SEMA4A: variants seen among roughly 807,000 people sequenced by gnomAD.
SEMA4A encodes semaphorin 4A.
In SEMA4A, 52 loss-of-function variants were observed where a neutral mutation model predicts 72.5. The observed-to-expected ratio is 0.72, with a 90% CI of 0.57 to 0.90. SEMA4A has a LOEUF of 0.90. Ranked by LOEUF, SEMA4A falls within the 40% of genes least tolerant of loss-of-function variation. The pLI is 0.00. For synonymous variants in SEMA4A, 369 were observed against 393.1 expected (o/e 0.94, Z 0.73); for missense variants, 926 against 959.7 (o/e 0.96, Z 0.46).
rs1323114299 is a variant in SEMA4A at position 156,171,779 on chromosome 1, A to AT, written c.1135-1045dup. ...TTTTAATTAATTAATTAATTAATTA[A>AT]TTAATTTATTTATTTTGTTTTTGAG... On this transcript the variant is annotated intron_variant, in intron 10 of 14. Coordinates refer to ENST00000368285, the MANE Select transcript of SEMA4A (RefSeq NM_022367.4). 5.3e-5 allele frequency among the ~76,000 whole-genome samples: 8 copies of AT among 150,538 alleles called. No individual in the cohort carries two copies. In the East Asian group the frequency reaches 5.8e-4, roughly 11 times the overall value.
In SEMA4A at chr1:156,163,224, C is replaced by T. The variant is rs190230359; in HGVS notation, c.1134+130C>T. 51 of 1,019,314 alleles carry T rather than the reference C, an allele frequency of 5.0e-5. No homozygotes were observed. In the Admixed American group the frequency reaches 8.1e-4, roughly 16 times the overall value. The allele number at this position is 1,019,314 out of a possible 1,614,324, so 63.1% of individuals were successfully genotyped here. ...ACCCCACCAATCTCGCCTGCTCAGA[C>T]GTACACCTGGTATAGCTGCCTATAT... On this transcript the variant is annotated intron_variant, in intron 10 of 14. Coordinates refer to ENST00000368285, the MANE Select transcript of SEMA4A (RefSeq NM_022367.4).
At position 156,173,138 on chromosome 1, in the gene SEMA4A, G is replaced by A. The variant is rs993538169; in HGVS notation, c.1315+132G>A. On this transcript the variant is annotated intron_variant, in intron 11 of 14. Transcript: ENST00000368285. Reference sequence around the variant, plus strand: ...TTACTGAGCACCTGCTATGTGCCTGGCATTCTGCTAGGTTCTGGAAATACA... The same window carrying A: ...TTACTGAGCACCTGCTATGTGCCTGACATTCTGCTAGGTTCTGGAAATACA... 28 of 945,864 alleles carry A rather than the reference G, an allele frequency of 3.0e-5. No individual in the cohort carries two copies. The African/African-American group carries it at 4.5e-4, about 15-fold the overall frequency. The allele number at this position is 945,864 out of a possible 1,614,324, so 58.6% of individuals were successfully genotyped here. A position where few individuals can be genotyped will look rare whatever the true frequency, so the allele number is the denominator to read the frequency against.
At chr1:156,169,698 G>T (rs1293286519) in intron 10 of SEMA4A, among the ~76,000 whole-genome samples, 1 of 150,802 alleles carries the variant, frequency 6.6e-6, no homozygotes, top group African/African-American at 2.4e-5. Flanking sequence ...GGGATTACAG[G>T]TGTGAGCCAC....
rs1655427331 is a variant in SEMA4A at position 156,177,081 on chromosome 1, A to G, written c.*84A>G. ...CAAGCACAGCCCTGACTAGGATGAC[A>G]GCAGCACAAAAGACCACCTTTCTCC... On this transcript the variant is annotated 3_prime_UTR_variant, in exon 15 of 15. Coordinates refer to ENST00000368285, the MANE Select transcript of SEMA4A (RefSeq NM_022367.4). 4 of 1,215,978 alleles carry G rather than the reference A, an allele frequency of 3.3e-6. No individual in the cohort carries two copies. The South Asian group carries it at 4.9e-5, about 15-fold the overall frequency. 75.3% of individuals were successfully genotyped at this position (1,215,978 alleles called of 1,614,324 possible).
chr1:156,171,731 C>T (rs1654790806), intron 10 of SEMA4A, among the ~76,000 whole-genome samples: 2 of 151,846 alleles, frequency 1.3e-5, no homozygotes, highest in Admixed American at 1.3e-4. Context: ...TGCCTGCCAC[C>T]ATGCTTGGCT....
intron 11 of SEMA4A, 132 bp from the exon 12 acceptor site, chr1:156,174,690 G>A (rs1025378423): frequency 2.0e-6 from 2 of 987,054 alleles, no homozygotes; most frequent in Non-Finnish European, 3.1e-6. Flanking sequence ...GAAGGTGAAT[G>A]ATCTGGCTGA....
chr1:156,171,755 TTTAATTAA>T (rs113255515), intron 10 of SEMA4A, among the ~76,000 whole-genome samples: 140 of 151,256 alleles, frequency 9.3e-4, no homozygotes, highest in African/African-American at 3.0e-3. Context: ...TTTTGTATTT[TTTAATTAA>T]TTAATTAATT....
intron 10 of SEMA4A, 57 bp downstream of exon 10, chr1:156,163,151 A>G: frequency 3.1e-6 from 5 of 1,592,888 alleles, no homozygotes; most frequent in Admixed American, 1.7e-5. Context: ...TGCATGAAAA[A>G]ACACCTATCA....
intron 10 of SEMA4A, among the ~76,000 whole-genome samples, chr1:156,171,661 C>T (rs754115828): frequency 4.6e-5 from 7 of 152,172 alleles, no homozygotes; most frequent in Non-Finnish European, 1.0e-4. Flanking sequence ...ACTGCAACCT[C>T]CGCCTCCCAT....
chr1:156,151,133 T>C (rs2102921299), upstream of SEMA4A, among the ~76,000 whole-genome samples: 1 of 152,372 alleles, frequency 6.6e-6, no homozygotes, highest in East Asian at 1.9e-4. Flanking sequence ...TTTGATGCTG[T>C]GTGCAGGACC....
chr1:156,166,455 T>TTCCA lies in SEMA4A; in HGVS notation c.1134+3362_1134+3365dup, dbSNP rs1654169082. On this transcript the variant is annotated intron_variant, in intron 10 of 14. Coordinates refer to ENST00000368285, the MANE Select transcript of SEMA4A (RefSeq NM_022367.4). ...AGTCCCTTGCCTCATGGGGCTTACA[T>TTCCA]TCCAATGGGGTGTTTTCTCACTTTT... is the stretch of plus-strand genomic sequence containing the variant. 2.0e-5 allele frequency among the ~76,000 whole-genome samples: 3 copies of TTCCA among 152,342 alleles called. No homozygotes were observed. In the South Asian group the frequency reaches 6.2e-4, roughly 32 times the overall value.
chr1:156,168,861 A>C (rs747888271), intron 10 of SEMA4A, among the ~76,000 whole-genome samples: 53 of 152,184 alleles, frequency 3.5e-4, no homozygotes, highest in Non-Finnish European at 1.3e-4. Context: ...TCTTCTGTGC[A>C]GAGGCAGATG....
At chr1:156,153,947 T>G (rs1407675462) in intron 1 of SEMA4A, among the ~76,000 whole-genome samples, 183 bp downstream of exon 1, 1 of 152,074 alleles carries the variant, frequency 6.6e-6, no homozygotes, top group Non-Finnish European at 1.5e-5. Context: ...TGGACCCTCA[T>G]TGCCTCCCTG....
chr1:156,176,893 G>T lies in SEMA4A; in HGVS notation c.2182G>T (p.Ala728Ser), dbSNP rs1655399336. Residue 728 changes from alanine (A) to serine (S), a missense_variant, in exon 15 of 15, where the codon GCC becomes TCC. By Grantham distance (99) the Ala-to-Ser change is moderately conservative. Transcript: ENST00000368285. ...GCETLRPGEK[A>S]PLSREQHLQS... ...TGAGACCCTGCGCCCTGGGGAGAAG[G>T]CCCCGTTAAGCAGAGAGCAACACCT... 2 of 1,614,226 alleles carry T rather than the reference G, an allele frequency of 1.2e-6. No homozygotes were observed. Among genetic ancestry groups the T allele is most frequent in the East Asian group, 2.2e-5 (1 of 44,888 alleles).
Position 156,177,008 on chromosome 1 carries a change from C to G in SEMA4A, c.*11C>G. ...ACTGAGGTAGCTTAAACTCTAGGCA[C>G]AGGCCGGGGCTGCGGTGCAGGCACC... On this transcript the variant is annotated 3_prime_UTR_variant, in exon 15 of 15. Transcript: ENST00000368285. The G allele has an allele frequency of 6.2e-7, 1 of 1,603,744 alleles. No individual in the cohort carries two copies. The highest frequency in any genetic ancestry group is 8.5e-7 in the Non-Finnish European group (1 of 1,179,092).
intron 6 of SEMA4A, among the ~76,000 whole-genome samples, chr1:156,159,342 A>G (rs1480837737): frequency 6.6e-6 from 1 of 152,068 alleles, no homozygotes; most frequent in Non-Finnish European, 1.5e-5. Flanking sequence ...TCAAAACAAA[A>G]CAAAACAGAA....
At chr1:156,175,725 T>C in intron 14 of SEMA4A, 69 bp downstream of exon 14, 1 of 1,116,554 alleles carries the variant, frequency 9.0e-7, no homozygotes, top group Non-Finnish European at 1.3e-6. Context: ...GGGTGGGCAT[T>C]CCTGCTCCAA....
intron 9 of SEMA4A, among the ~76,000 whole-genome samples, chr1:156,161,956 C>A (rs1558151930): frequency 6.6e-6 from 1 of 152,098 alleles, no homozygotes; most frequent in Admixed American, 6.6e-5. Context: ...AAACGCTATC[C>A]GTATCAGAAG....
chr1:156,160,548 G>A lies in SEMA4A; in HGVS notation c.674G>A (p.Arg225His), dbSNP rs1347753554. ...GTCCTCAAGACCGACAACTTCCTCC[G>A]CTGGCTGCATCGTAAGGACCTGACC... ...QPVLKTDNFLRWLHHDASFVA... is the reference protein window; with the variant it reads ...QPVLKTDNFLHWLHHDASFVA... The change falls in exon 7 of 15, where the codon CGC becomes CAC. Residue 225 changes from arginine to histidine, a missense_variant. Coordinates refer to ENST00000368285, the MANE Select transcript of SEMA4A (RefSeq NM_022367.4). 6 of 1,613,914 alleles carry A rather than the reference G, an allele frequency of 3.7e-6. No individual in the cohort carries two copies. Among genetic ancestry groups the A allele is most frequent in the Non-Finnish European group, 4.2e-6 (5 of 1,179,858 alleles).
Sources: allele counts gnomAD v4.1 joint callset (sites outside exome capture counted in the v4.1 genomes callset), GRCh38; gene constraint gnomAD v4.1.1; transcripts MANE v1.5; gene names NCBI Gene and HGNC (gene_info 2026-07-23, HGNC 2026-07-21).